The following SYT16 variants were observed in gnomAD, a reference collection of about 807,000 sequenced individuals.
The protein encoded by SYT16 is synaptotagmin 16, also known as synaptotagmin-16.
Under a neutral mutation model 61.4 loss-of-function variants are expected in SYT16, and 42 were observed. The ratio of observed to expected loss-of-function variants is 0.68; its 90% CI spans 0.53 to 0.89. The LOEUF (loss-of-function observed/expected upper bound fraction) is 0.89. Among genes scored for constraint, SYT16 ranks in the 40% least tolerant of loss-of-function variants. The probability of loss-of-function intolerance (pLI) is 0.00; values close to 1 mark genes in which losing one functional copy is unlikely to be tolerated. For missense variants in SYT16, 804 were observed against 807.3 expected, an observed-to-expected ratio of 1.00 and a Z score of 0.05; for synonymous variants, 314 against 302.3, an observed-to-expected ratio of 1.04 and a Z score of -0.40.
In SYT16 at chr14:62,110,390, C is replaced by T. The variant is rs1023994351; in HGVS notation, c.*9683C>T. On this transcript the variant is annotated 3_prime_UTR_variant, in exon 8 of 8. Coordinates refer to ENST00000683842, the MANE Select transcript of SYT16 (RefSeq NM_001367656.1). ...AACACTTTGAGACCCCACTATATAA[C>T]AGGGCCATACATATGACAAGGTGAT... The T allele has an allele frequency of 2.0e-5, 3 of 152,086 alleles. No homozygotes were observed. The highest frequency in any genetic ancestry group is 4.4e-5 in the Non-Finnish European group (3 of 67,976). The allele number at this position is 152,086 out of a possible 1,614,324, so 9.4% of individuals were successfully genotyped here. A position where few individuals can be genotyped will look rare whatever the true frequency, so the allele number is the denominator to read the frequency against.
intron 2 of SYT16, among the ~76,000 whole-genome samples, chr14:61,974,246 T>C (rs955815229): frequency 1.3e-5 from 2 of 152,104 alleles, no homozygotes; most frequent in Admixed American, 1.3e-4. Context: ...TGGGGAGTTA[T>C]TGCAGCTTAC....
intron 3 of SYT16, among the ~76,000 whole-genome samples, chr14:62,034,879 T>G (rs1028749694): frequency 2.0e-5 from 3 of 152,188 alleles, no homozygotes; most frequent in Non-Finnish European, 2.9e-5. Context: ...AAAGCTGTTT[T>G]TTAAAAAAGG....
chr14:62,061,901 T>C (rs2055844243), intron 3 of SYT16, among the ~76,000 whole-genome samples: 1 of 152,194 alleles, frequency 6.6e-6, no homozygotes, highest in African/African-American at 2.4e-5. Context: ...TCTCCTCCAA[T>C]TTCTGCCTGC....
intron 2 of SYT16, among the ~76,000 whole-genome samples, chr14:61,975,114 T>A (rs1304038292): frequency 6.6e-6 from 1 of 152,214 alleles, no homozygotes; most frequent in African/African-American, 2.4e-5. Context: ...TACAATGGTG[T>A]TAATTCCAGA....
Position 61,996,190 on chromosome 14 carries a change from A to C in SYT16, c.171A>C (p.Leu57Phe). 1 of 1,613,540 alleles carries C rather than the reference A, an allele frequency of 6.2e-7. No individual in the cohort carries two copies. The highest frequency in any genetic ancestry group is 1.7e-4 in the Middle Eastern group (1 of 6,052). ...SKLSDKLDQDLDNIQIQETYF... is the reference protein window; with the variant it reads ...SKLSDKLDQDFDNIQIQETYF... ...TGAGTGACAAACTAGATCAGGACTT[A>C]GATAATATTCAGATTCAGGAAACGT... Residue 57 changes from leucine (L) to phenylalanine (F), a missense_variant, in exon 3 of 8, where the codon TTA (leucine) becomes TTC (phenylalanine). Transcript: ENST00000683842.
intron 1 of SYT16, among the ~76,000 whole-genome samples, chr14:61,896,847 A>G (rs61033748): frequency 0.02 from 3,112 of 152,294 alleles, 104 homozygotes; most frequent in African/African-American, 0.07. Context: ...CCCTCCTCCC[A>G]TATCAAAAAC....
At chr14:61,874,261 A>G (rs2047418437) in intron 1 of SYT16, among the ~76,000 whole-genome samples, 1 of 152,244 alleles carries the variant, frequency 6.6e-6, no homozygotes, top group African/African-American at 2.4e-5. Flanking sequence ...CTGGAAATAC[A>G]GTTGACCCTT....
intron 3 of SYT16, among the ~76,000 whole-genome samples, chr14:62,068,049 A>G (rs2140937073): frequency 6.6e-6 from 1 of 152,318 alleles, no homozygotes; most frequent in Non-Finnish European, 1.5e-5. Flanking sequence ...TTCTGGGTAT[A>G]TACCTAAAGG....
intron 1 of SYT16, among the ~76,000 whole-genome samples, chr14:61,814,777 T>C (rs537170212): frequency 6.6e-6 from 1 of 152,244 alleles, no homozygotes; most frequent in Non-Finnish European, 1.5e-5. Context: ...TCAAAACTAA[T>C]GTGAGAGGCT....
chr14:62,023,148 A>AT (rs1372695412), intron 3 of SYT16, among the ~76,000 whole-genome samples: 1 of 151,864 alleles, frequency 6.6e-6, no homozygotes. Context: ...GCTGTCCATG[A>AT]TTTTTTCTTC....
chr14:62,023,812 G>A (rs894933216), intron 3 of SYT16, among the ~76,000 whole-genome samples: 7 of 152,038 alleles, frequency 4.6e-5, no homozygotes, highest in African/African-American at 1.4e-4. Flanking sequence ...TTTTTTAATC[G>A]TGTAGTCTTG....
At chr14:62,088,059 C>A (rs936520945) in intron 7 of SYT16, among the ~76,000 whole-genome samples, 21 of 151,828 alleles carry the variant, frequency 1.4e-4, no homozygotes, top group African/African-American at 4.4e-4. Flanking sequence ...GGCGTAGAAG[C>A]TTTTTTTTAT....
chr14:62,094,816 A>T (rs2057213085), intron 7 of SYT16, among the ~76,000 whole-genome samples: 1 of 152,046 alleles, frequency 6.6e-6, no homozygotes, highest in African/African-American at 2.4e-5. Flanking sequence ...AGATGTCAAT[A>T]GGCTCTGAAC....
intron 1 of SYT16, among the ~76,000 whole-genome samples, chr14:61,904,982 C>G (rs1029857788): frequency 1.3e-5 from 2 of 151,720 alleles, no homozygotes; most frequent in Non-Finnish European, 2.9e-5. Flanking sequence ...CTTATGTGGC[C>G]TAAAACTTGT....
intron 1 of SYT16, among the ~76,000 whole-genome samples, chr14:61,940,351 C>T (rs1009819212): frequency 1.3e-5 from 2 of 151,982 alleles, no homozygotes; most frequent in Non-Finnish European, 2.9e-5. Flanking sequence ...AAATGGCTCT[C>T]CTCACGGCCA....
intron 1 of SYT16, among the ~76,000 whole-genome samples, chr14:61,945,005 A>G (rs1180770078): frequency 6.6e-6 from 1 of 152,252 alleles, no homozygotes; most frequent in African/African-American, 2.4e-5. Context: ...AAGGGCTAAT[A>G]TCCAGAATGT....
At chr14:61,946,389 A>G (rs2050438599) in intron 1 of SYT16, among the ~76,000 whole-genome samples, 1 of 152,164 alleles carries the variant, frequency 6.6e-6, no homozygotes, top group Non-Finnish European at 1.5e-5. Flanking sequence ...GAGTGGAATA[A>G]TAGATGTTGG....
At chr14:61,964,810 C>T (rs1243957521) in intron 1 of SYT16, among the ~76,000 whole-genome samples, 1 of 151,964 alleles carries the variant, frequency 6.6e-6, no homozygotes, top group Non-Finnish European at 1.5e-5. Context: ...TCAGCAACTA[C>T]CTGTCCTGAT....
At chr14:61,839,765 T>C (rs1023767730) in intron 1 of SYT16, among the ~76,000 whole-genome samples, 2 of 152,200 alleles carry the variant, frequency 1.3e-5, no homozygotes, top group African/African-American at 4.8e-5. Flanking sequence ...CAGTCCATTT[T>C]CTGTTGCATT....
Sources: gnomAD v4.1 joint callset for allele counts (sites outside exome capture counted in the v4.1 genomes callset) on GRCh38, gnomAD v4.1.1 for gene constraint, MANE v1.5 for transcripts, NCBI Gene and HGNC (gene_info 2026-07-23, HGNC 2026-07-21) for gene names.